The following LINGO2 variants were observed in gnomAD, a reference collection of about 807,000 sequenced individuals.
LINGO2 encodes the protein leucine-rich repeat and immunoglobulin-like domain-containing nogo receptor-interacting protein 2.
In LINGO2, 14 loss-of-function variants were observed where a neutral mutation model predicts 30.6. That is an observed-to-expected ratio of 0.46 (90% CI 0.30 to 0.72). The LOEUF is 0.72. Ranked by LOEUF, LINGO2 falls within the 30% of genes least tolerant of loss-of-function variation. The probability of loss-of-function intolerance (pLI) is 0.07; values close to 1 mark genes in which losing one functional copy is unlikely to be tolerated. For missense variants in LINGO2, 729 were observed against 751.7 expected (o/e 0.97, Z 0.35); for synonymous variants, 317 against 288.5 (o/e 1.10, Z -1.00).
At chr9:28,310,759 C>T (rs79363312) in intron 3 of LINGO2, among the ~76,000 whole-genome samples, 1 of 152,050 alleles carries the variant, frequency 6.6e-6, no homozygotes, top group East Asian at 1.9e-4. Context: ...TTTAAATAAA[C>T]AAATGGGATA....
chr9:28,281,762 A>C (rs1284063626), intron 4 of LINGO2, among the ~76,000 whole-genome samples: 1 of 145,982 alleles, frequency 6.9e-6, no homozygotes, highest in Non-Finnish European at 1.6e-5. Context: ...TCTGGCAGAT[A>C]GTTTACATCC....
At chr9:28,053,583 A>G (rs1824777551) in intron 4 of LINGO2, among the ~76,000 whole-genome samples, 1 of 152,070 alleles carries the variant, frequency 6.6e-6, no homozygotes, top group African/African-American at 2.4e-5. Flanking sequence ...TTTACAATCA[A>G]AACACTGTGG....
the LINGO2 span, among the ~76,000 whole-genome samples, chr9:29,070,186 TA>T: frequency 6.6e-6 from 1 of 152,012 alleles, no homozygotes; most frequent in Non-Finnish European, 1.5e-5. Flanking sequence ...ACCTGATGCT[TA>T]AAAAAATTAG....
At chr9:28,616,983 A>AT (rs1826158256) in intron 1 of LINGO2, among the ~76,000 whole-genome samples, 1 of 152,142 alleles carries the variant, frequency 6.6e-6, no homozygotes, top group Admixed American at 6.5e-5. Flanking sequence ...AATTGTGACA[A>AT]TTTTTCACTT....
chr9:28,540,473 GC>G lies in LINGO2; in HGVS notation c.-364-64449del, dbSNP rs1314034634. 2.0e-5 allele frequency among the ~76,000 whole-genome samples: 3 copies of G among 152,156 alleles called. No homozygotes were observed. In the East Asian group the frequency reaches 5.8e-4, roughly 29 times the overall value. On this transcript the variant is annotated intron_variant, in intron 1 of 5. Transcript: ENST00000379992. ...GACAGGGTTTCATTATGTTGGCTAG[GC>G]TGGGCTCGAATTCCTGACTTCAAGG...
At chr9:29,174,393 G>C in the LINGO2 span, among the ~76,000 whole-genome samples, 27 of 152,282 alleles carry the variant, frequency 1.8e-4, no homozygotes, top group South Asian at 2.9e-3. Flanking sequence ...CTGAGGAACA[G>C]AGTAAAATAT....
intron 3 of LINGO2, among the ~76,000 whole-genome samples, chr9:28,312,433 A>C (rs1824664343): frequency 6.6e-6 from 1 of 152,062 alleles, no homozygotes; most frequent in African/African-American, 2.4e-5. Flanking sequence ...TAAAATTTTC[A>C]GGAAAAAATC....
chr9:29,064,282 T>C, the LINGO2 span, among the ~76,000 whole-genome samples: 12 of 152,088 alleles, frequency 7.9e-5, no homozygotes, highest in African/African-American at 2.9e-4. Context: ...AGCTTATAAA[T>C]AGCACCAAAA....
At chr9:28,218,669 A>T (rs1422461298) in intron 4 of LINGO2, among the ~76,000 whole-genome samples, 1 of 152,074 alleles carries the variant, frequency 6.6e-6, no homozygotes, top group Non-Finnish European at 1.5e-5. Context: ...CTCCACCATG[A>T]AGGACAAAGC....
chr9:28,464,897 T>C (rs535350089), intron 2 of LINGO2, among the ~76,000 whole-genome samples: 4 of 152,318 alleles, frequency 2.6e-5, no homozygotes, highest in South Asian at 2.1e-4. Context: ...CCTGACCAGT[T>C]TGTGGGACTC....
intron 4 of LINGO2, among the ~76,000 whole-genome samples, chr9:28,193,392 T>G (rs1819891199): frequency 6.6e-6 from 1 of 152,138 alleles, no homozygotes; most frequent in Non-Finnish European, 1.5e-5. Context: ...TTTTTAACTT[T>G]TAATTAAAAA....
chr9:28,876,874 A>G, the LINGO2 span, among the ~76,000 whole-genome samples: 1 of 152,176 alleles, frequency 6.6e-6, no homozygotes, highest in East Asian at 1.9e-4. Flanking sequence ...CCAACAGTGT[A>G]AAAGTGTTCC....
At chr9:28,970,055 T>C in the LINGO2 span, among the ~76,000 whole-genome samples, 126 of 151,926 alleles carry the variant, frequency 8.3e-4, no homozygotes, top group Non-Finnish European at 1.5e-3. Flanking sequence ...AGGAAGACAG[T>C]GTACGTGGGA....
At chr9:28,305,765 T>C (rs1420324970) in intron 3 of LINGO2, among the ~76,000 whole-genome samples, 2 of 151,976 alleles carry the variant, frequency 1.3e-5, no homozygotes, top group African/African-American at 2.4e-5. Flanking sequence ...TTAGTCAGTT[T>C]GGGGTAAATT....
intron 1 of LINGO2, among the ~76,000 whole-genome samples, chr9:28,626,067 T>C (rs1328251314): frequency 6.6e-6 from 1 of 152,166 alleles, no homozygotes; most frequent in Non-Finnish European, 1.5e-5. Context: ...TTCCGCTTGC[T>C]TCACAAATGC....
the LINGO2 span, among the ~76,000 whole-genome samples, chr9:28,971,772 T>G: frequency 6.6e-6 from 1 of 152,210 alleles, no homozygotes; most frequent in Admixed American, 6.5e-5. Flanking sequence ...CACCTGCCAG[T>G]TGTAGAGCTC....
intron 3 of LINGO2, among the ~76,000 whole-genome samples, chr9:28,333,701 G>A (rs528566537): frequency 1.1e-4 from 16 of 152,026 alleles, no homozygotes; most frequent in South Asian, 2.1e-4. Flanking sequence ...ATATAATCAC[G>A]TCAGGGCCGT....
At chr9:29,047,110 C>A in the LINGO2 span, among the ~76,000 whole-genome samples, 1 of 134,570 alleles carries the variant, frequency 7.4e-6, no homozygotes, top group Non-Finnish European at 1.6e-5. Flanking sequence ...TAAACAGACA[C>A]CTACAGAATG....
At chr9:28,792,553 G>T in the LINGO2 span, among the ~76,000 whole-genome samples, 1 of 152,018 alleles carries the variant, frequency 6.6e-6, no homozygotes, top group Non-Finnish European at 1.5e-5. Context: ...TCTTATTTTA[G>T]GTAGTCATTA....
Sources: gnomAD v4.1 joint callset for allele counts (sites outside exome capture counted in the v4.1 genomes callset) on GRCh38, gnomAD v4.1.1 for gene constraint, MANE v1.5 for transcripts, NCBI Gene and HGNC (gene_info 2026-07-23, HGNC 2026-07-21) for gene names.